Variants in PTPRO observed in about 807,000 individuals in gnomAD.
PTPRO encodes the protein protein tyrosine phosphatase receptor type O, also known as receptor-type tyrosine-protein phosphatase O.
Under a neutral mutation model 145.2 loss-of-function variants are expected in PTPRO, and 62 were observed. The observed-to-expected ratio is 0.43, with a 90% CI of 0.35 to 0.53. The LOEUF is 0.53. PTPRO is among the 20% of genes least tolerant of loss of function. The pLI is 0.01. For missense variants in PTPRO, 1,345 were observed against 1,482.7 expected (o/e 0.91, Z 1.53); for synonymous variants, 565 against 514.7 (o/e 1.10, Z -1.32).
At position 15,462,070 on chromosome 12, in the gene PTPRO, C is replaced by G. The variant is rs188658182; in HGVS notation, c.76-21904C>G. Among the ~76,000 whole-genome samples the G allele has an allele frequency of 2.6e-3, 402 of 152,252 alleles. 1 individual carries two copies. The highest frequency in any genetic ancestry group is 9.4e-3 in the African/African-American group (392 of 41,562). On this transcript the variant is annotated intron_variant, in intron 1 of 26. Transcript: ENST00000281171. Reference sequence around the variant, plus strand: ...CCTAACCACACTGCTACTTTCCATCCCCTCTTGCCTGAAATATACCACACA... The same window carrying G: ...CCTAACCACACTGCTACTTTCCATCGCCTCTTGCCTGAAATATACCACACA...
chr12:15,569,171 A>T (rs1175743477), intron 18 of PTPRO, among the ~76,000 whole-genome samples: 1 of 152,114 alleles, frequency 6.6e-6, no homozygotes, highest in Non-Finnish European at 1.5e-5. Flanking sequence ...GTACTGCTAC[A>T]GTAAGAGCCA....
chr12:15,496,561 G>A (rs1942112770), intron 2 of PTPRO, among the ~76,000 whole-genome samples: 1 of 152,100 alleles, frequency 6.6e-6, no homozygotes, highest in African/African-American at 2.4e-5. Flanking sequence ...GGAGAGGCAG[G>A]CATATATCGA....
intron 25 of PTPRO, among the ~76,000 whole-genome samples, chr12:15,590,642 T>C (rs1455154463): frequency 6.6e-6 from 1 of 152,182 alleles, no homozygotes; most frequent in African/African-American, 2.4e-5. Context: ...GTCTGACCAA[T>C]TTTTGGCAAG....
intron 23 of PTPRO, among the ~76,000 whole-genome samples, chr12:15,584,519 T>C (rs1944390196): frequency 6.6e-6 from 1 of 152,226 alleles, no homozygotes; most frequent in Admixed American, 6.5e-5. Flanking sequence ...TCTTAAGTGA[T>C]GACCTATCTT....
chr12:15,328,779 TTATAAA>T (rs1236895544), intron 1 of PTPRO, among the ~76,000 whole-genome samples: 1 of 152,168 alleles, frequency 6.6e-6, no homozygotes, highest in Non-Finnish European at 1.5e-5. Context: ...TTTTCACTCT[TTATAAA>T]TAGGAATGCT....
At chr12:15,418,684 A>G (rs1168042844) in intron 1 of PTPRO, among the ~76,000 whole-genome samples, 1 of 151,768 alleles carries the variant, frequency 6.6e-6, no homozygotes, top group African/African-American at 2.4e-5. Context: ...AGGAGGTAGG[A>G]ATACATATGG....
intron 13 of PTPRO, among the ~76,000 whole-genome samples, chr12:15,547,400 A>G (rs999538719): frequency 4.6e-5 from 7 of 152,238 alleles, no homozygotes; most frequent in Non-Finnish European, 8.8e-5. Flanking sequence ...GCCAGAAGTG[A>G]AAGGAAAAGG....
At chr12:15,350,858 A>G (rs1414563042) in intron 1 of PTPRO, among the ~76,000 whole-genome samples, 2 of 152,230 alleles carry the variant, frequency 1.3e-5, no homozygotes, top group Admixed American at 1.3e-4. Flanking sequence ...GGCTGAGAAC[A>G]GAATTTGGCC....
chr12:15,439,555 G>T (rs1262160844), intron 1 of PTPRO: 1 of 260,156 alleles, frequency 3.8e-6, no homozygotes, highest in African/African-American at 2.3e-5. Flanking sequence ...GGAGCGAGGG[G>T]GCCCGGAGGA....
intron 1 of PTPRO, among the ~76,000 whole-genome samples, chr12:15,447,221 T>C (rs1444952845): frequency 6.6e-6 from 1 of 152,118 alleles, no homozygotes. Context: ...TTTGTCTTTG[T>C]GGATGGATTT....
rs561049716 is a variant in PTPRO, at chr12:15,437,665, G to T, written c.76-46309G>T. ...TGTTCGTAGATATTGGTGCAGGAAG[G>T]CCCTCTCTGCTCCACACCCAGGAAG... On this transcript the variant is annotated intron_variant, in intron 1 of 26. Transcript: ENST00000281171. Among the ~76,000 whole-genome samples the T allele has an allele frequency of 1.4e-4, 22 of 152,106 alleles. No homozygotes were observed. The East Asian group carries it at 4.3e-3, about 29-fold the overall frequency.
chr12:15,502,756 A>G (rs988317607), intron 5 of PTPRO, among the ~76,000 whole-genome samples: 1 of 152,154 alleles, frequency 6.6e-6, no homozygotes, highest in African/African-American at 2.4e-5. Context: ...CATGATACCT[A>G]TCTCAATTGT....
chr12:15,332,035 G>A (rs1477021797), intron 1 of PTPRO, among the ~76,000 whole-genome samples: 1 of 143,572 alleles, frequency 7.0e-6, no homozygotes, highest in Non-Finnish European at 1.5e-5. Context: ...ACATGATCTA[G>A]GCTCACTGCA....
At chr12:15,525,483 G>A (rs1942818736) in intron 11 of PTPRO, among the ~76,000 whole-genome samples, 1 of 152,272 alleles carries the variant, frequency 6.6e-6, no homozygotes, top group Admixed American at 6.5e-5. Context: ...CTGCTTTAAG[G>A]GGTCACCCAG....
At chr12:15,556,499 C>G (rs1229985231) in intron 15 of PTPRO, among the ~76,000 whole-genome samples, 2 of 150,998 alleles carry the variant, frequency 1.3e-5, no homozygotes, top group Non-Finnish European at 2.9e-5. Flanking sequence ...TACTTTTTCT[C>G]TACTTCTGGA....
intron 1 of PTPRO, among the ~76,000 whole-genome samples, chr12:15,332,125 T>C (rs1866630987): frequency 1.3e-5 from 2 of 152,048 alleles, no homozygotes; most frequent in Non-Finnish European, 2.9e-5. Context: ...ACCAGCCTGC[T>C]CAGCTAATTT....
At chr12:15,499,743 A>G (rs1565666579) in intron 4 of PTPRO, 149 bp downstream of exon 4, 1 of 967,082 alleles carries the variant, frequency 1.0e-6, no homozygotes, top group Non-Finnish European at 1.5e-6. Context: ...TTCTATCAAT[A>G]TAAAAAGAAC....
chr12:15,338,149 TTG>T (rs1866831226), intron 1 of PTPRO, among the ~76,000 whole-genome samples: 1 of 152,186 alleles, frequency 6.6e-6, no homozygotes, highest in Non-Finnish European at 1.5e-5. Context: ...GATATCAACA[TTG>T]GGGGAGGCAG....
At chr12:15,360,617 C>CTA (rs1375521802) in intron 1 of PTPRO, among the ~76,000 whole-genome samples, 2 of 151,234 alleles carry the variant, frequency 1.3e-5, no homozygotes, top group Non-Finnish European at 2.9e-5. Context: ...CTCTCTCTCT[C>CTA]TCTATATATA....
Sources: allele counts gnomAD v4.1 joint callset (sites outside exome capture counted in the v4.1 genomes callset), GRCh38; gene constraint gnomAD v4.1.1; transcripts MANE v1.5; gene names NCBI Gene and HGNC (gene_info 2026-07-23, HGNC 2026-07-21).